Variants in COL4A1 observed in about 807,000 individuals in gnomAD.
COL4A1 encodes collagen alpha-1(IV) chain.
In COL4A1, 40 loss-of-function variants were observed where a neutral mutation model predicts 216.6. The observed-to-expected ratio is 0.18, with a 90% CI of 0.14 to 0.24. COL4A1 has a LOEUF of 0.24. COL4A1 is among the 10% of genes least tolerant of loss of function. The pLI, the probability that COL4A1 is intolerant of heterozygous loss-of-function variation, is 1.00. For synonymous variants in COL4A1, 839 were observed against 810.7 expected (o/e 1.03, Z -0.59); for missense variants, 1,628 against 2,196.8 (o/e 0.74, Z 5.18).
chr13:110,234,157 T>C (rs2139235519), intron 2 of COL4A1, among the ~76,000 whole-genome samples: 1 of 152,356 alleles, frequency 6.6e-6, no homozygotes, highest in South Asian at 2.1e-4. Context: ...CTGGGGAATT[T>C]CCAGGTCAGG....
chr13:110,192,133 C>G, intron 24 of COL4A1, 81 bp downstream of exon 24: 1 of 1,449,344 alleles, frequency 6.9e-7, no homozygotes, highest in Non-Finnish European at 9.7e-7. Context: ...GCCATGCTTG[C>G]AAATGCAAAA....
intron 40 of COL4A1, among the ~76,000 whole-genome samples, 170 bp from the exon 41 acceptor site, chr13:110,172,940 C>T (rs1223342492): frequency 2.0e-5 from 3 of 152,324 alleles, no homozygotes; most frequent in Middle Eastern, 3.4e-3. Context: ...TTATAAGATA[C>T]CCTTGACTGA....
At chr13:110,198,234 T>G (rs1043219225) in intron 21 of COL4A1, among the ~76,000 whole-genome samples, 1 of 152,178 alleles carries the variant, frequency 6.6e-6, no homozygotes, top group South Asian at 2.1e-4. Context: ...CAGAGGTGGT[T>G]AACGTGTTAT....
chr13:110,293,004 T>A (rs1884146303), intron 1 of COL4A1, among the ~76,000 whole-genome samples: 1 of 152,206 alleles, frequency 6.6e-6, no homozygotes, highest in Non-Finnish European at 1.5e-5. Context: ...GCTGTTATTT[T>A]TAAAAAATCT....
intron 29 of COL4A1, among the ~76,000 whole-genome samples, chr13:110,180,903 C>T (rs149712229): frequency 1.1e-3 from 161 of 152,272 alleles, no homozygotes; most frequent in African/African-American, 3.7e-3. Context: ...GCTATTGAAC[C>T]CAGAATGCCA....
At chr13:110,168,727 G>A (rs2139153275) in intron 43 of COL4A1, among the ~76,000 whole-genome samples, 1 of 152,300 alleles carries the variant, frequency 6.6e-6, no homozygotes, top group Middle Eastern at 3.4e-3. Flanking sequence ...TTGACTTACA[G>A]AAGAACCCCG....
At chr13:110,213,463 C>T (rs989322856) in intron 4 of COL4A1, among the ~76,000 whole-genome samples, 2 of 152,304 alleles carry the variant, frequency 1.3e-5, no homozygotes, top group African/African-American at 4.8e-5. Flanking sequence ...ACTGTGGACA[C>T]ATCATCAATT....
chr13:110,189,606 T>C (rs891253334), intron 24 of COL4A1, among the ~76,000 whole-genome samples: 3 of 152,232 alleles, frequency 2.0e-5, no homozygotes, highest in Non-Finnish European at 4.4e-5. Context: ...ATTATTTCTA[T>C]GAGCCACCTG....
rs774684682 is a variant in COL4A1, at chr13:110,176,523, T to C, written c.2969-10A>G. 3.7e-6 allele frequency: 6 copies of C among 1,610,592 alleles called. No homozygotes were observed. Among genetic ancestry groups the C allele is most frequent in the Non-Finnish European group, 5.1e-6 (6 of 1,176,892 alleles). ...GGATCACCTTTAGGTCCTAGAACCA[T>C]AAAGAAAGCAGTCTGACAGGTTGAC... On this transcript the variant is annotated splice_polypyrimidine_tract_variant and intron_variant, in intron 35 of 51. Transcript: ENST00000375820.
At chr13:110,261,966 G>A (rs1882846284) in intron 1 of COL4A1, among the ~76,000 whole-genome samples, 1 of 152,230 alleles carries the variant, frequency 6.6e-6, no homozygotes, top group Non-Finnish European at 1.5e-5. Flanking sequence ...GTGGGTCCCA[G>A]CTGTGACCGG....
chr13:110,232,618 A>G (rs536115050), intron 2 of COL4A1, among the ~76,000 whole-genome samples: 2 of 152,342 alleles, frequency 1.3e-5, no homozygotes, highest in African/African-American at 2.4e-5. Flanking sequence ...TGTCAAGATC[A>G]TATTTACAAA....
Position 110,202,665 on chromosome 13 carries a change from G to C in COL4A1, c.999+901C>G, listed in dbSNP as rs567644372. 2.6e-5 allele frequency among the ~76,000 whole-genome samples: 4 copies of C among 152,164 alleles called. No individual in the cohort carries two copies. The East Asian group carries it at 7.7e-4, about 29-fold the overall frequency. ...TTTCATTATTTCAAAAAAGTCTGGG[G>C]GCAAAATGGCTAAAAAAATTAAAGC... is the stretch of plus-strand genomic sequence containing the variant. On this transcript the variant is annotated intron_variant, in intron 18 of 51. Transcript: ENST00000375820.
At chr13:110,253,118 C>T (rs543786724) in intron 1 of COL4A1, among the ~76,000 whole-genome samples, 2 of 123,550 alleles carry the variant, frequency 1.6e-5, no homozygotes, top group South Asian at 2.6e-4. Flanking sequence ...ACTATATGTA[C>T]GTATGTATTA....
chr13:110,307,042 G>C lies in COL4A1; in HGVS notation c.-15C>G, dbSNP rs1253077298. Reference sequence around the variant, plus strand: ...CGGGGCCCCATGGTGGCGCGCCCGAGGCGGCGAGGGACGGCTGCCCGGCGT... The same window carrying C: ...CGGGGCCCCATGGTGGCGCGCCCGACGCGGCGAGGGACGGCTGCCCGGCGT... On this transcript the variant is annotated 5_prime_UTR_variant, in exon 1 of 52. Transcript: ENST00000375820. The surrounding 1 kb of genome is among the most constrained non-coding windows in gnomAD (Gnocchi z 5.0). The C allele has an allele frequency of 1.0e-5, 15 of 1,456,222 alleles. No individual in the cohort carries two copies. The highest frequency in any genetic ancestry group is 1.4e-5 in the Non-Finnish European group (15 of 1,109,038). 90.2% of individuals were successfully genotyped at this position (1,456,222 alleles called of 1,614,324 possible). A position where few individuals can be genotyped will look rare whatever the true frequency, so the allele number is the denominator to read the frequency against.
chr13:110,187,179 T>C lies in COL4A1; in HGVS notation c.1687A>G (p.Arg563Gly). ...CCAGGAAGACCCGGATGGCCATCTC[T>C]TCCAGGAGAACCCGCTCTCCCTGGC... ...GMPGRAGSPG[R>G]DGHPGLPGPK... Residue 563 changes from arginine to glycine, a missense_variant, in exon 25 of 52, where the codon AGA becomes GGA. Transcript: ENST00000375820. 1 of 1,614,020 alleles carries C rather than the reference T, an allele frequency of 6.2e-7. No homozygotes were observed. Among genetic ancestry groups the C allele is most frequent in the African/African-American group, 1.3e-5 (1 of 75,056 alleles).
Position 110,205,532 on chromosome 13 carries a change from G to A in COL4A1, c.865C>T (p.Pro289Ser). The change falls in exon 16 of 52, where the codon CCC (proline) becomes TCC (serine). Residue 289 changes from proline to serine, a missense_variant. Coordinates refer to ENST00000375820, the MANE Select transcript of COL4A1 (RefSeq NM_001845.6). Reference sequence around the variant, plus strand: ...TCCCCTTTGTCACCATCTTTTCCGGGTTTGCCCTGTAGAATAAAGATGTAA... The same window carrying A: ...TCCCCTTTGTCACCATCTTTTCCGGATTTGCCCTGTAGAATAAAGATGTAA... ...EPGKPGPRGKPGKDGDKGEKG... is the reference protein window; with the variant it reads ...EPGKPGPRGKSGKDGDKGEKG... 2 of 1,609,882 alleles carry A rather than the reference G, an allele frequency of 1.2e-6. No individual in the cohort carries two copies. The highest frequency in any genetic ancestry group is 1.1e-5 in the South Asian group (1 of 91,074).
At chr13:110,298,209 A>G (rs1435909276) in intron 1 of COL4A1, among the ~76,000 whole-genome samples, 2 of 152,248 alleles carry the variant, frequency 1.3e-5, no homozygotes, top group Non-Finnish European at 2.9e-5. Context: ...AGTATTTGGG[A>G]AAACAAAATC....
At chr13:110,240,652 G>T (rs1881522094) in intron 2 of COL4A1, among the ~76,000 whole-genome samples, 1 of 152,210 alleles carries the variant, frequency 6.6e-6, no homozygotes, top group African/African-American at 2.4e-5. Flanking sequence ...TTTCCTTCAG[G>T]CCAGGTGCTG....
Position 110,150,452 on chromosome 13 carries a change from A to G in COL4A1, c.4929-8T>C. The stretch of plus-strand genomic sequence containing the variant: ...GTGGACGGCGTAGGCTTCCTAAAAC[A>G]CGACACAGAGACAGACCATTGGCCA... On this transcript the variant is annotated splice_region_variant and splice_polypyrimidine_tract_variant and intron_variant, in intron 51 of 51. Coordinates refer to ENST00000375820, the MANE Select transcript of COL4A1 (RefSeq NM_001845.6). 6.2e-7 allele frequency: 1 copy of G among 1,613,782 alleles called. No individual in the cohort carries two copies. Among genetic ancestry groups the G allele is most frequent in the Non-Finnish European group, 8.5e-7 (1 of 1,179,842 alleles).
Sources: allele counts gnomAD v4.1 joint callset (sites outside exome capture counted in the v4.1 genomes callset), GRCh38; gene constraint gnomAD v4.1.1; non-coding constraint Gnocchi (gnomAD v3.1); transcripts MANE v1.5; gene names NCBI Gene and HGNC (gene_info 2026-07-23, HGNC 2026-07-21).